The following ARHGAP26 variants were observed in gnomAD, a reference collection of about 807,000 sequenced individuals.
ARHGAP26 encodes rho GTPase-activating protein 26.
ARHGAP26 carries 38 observed loss-of-function variants against 104.8 expected under a neutral mutation model. The observed-to-expected ratio is 0.36, with a 90% confidence interval of 0.28 to 0.48. The LOEUF is 0.48. Among genes scored for constraint, ARHGAP26 ranks in the 20% least tolerant of loss-of-function variants. The pLI is 0.99. For missense variants in ARHGAP26, 704 were observed against 947.9 expected, an observed-to-expected ratio of 0.74 and a Z score of 3.38; for synonymous variants, 341 against 340.0, an observed-to-expected ratio of 1.00 and a Z score of -0.03.
chr5:143,159,257 G>A (rs1349714668), intron 20 of ARHGAP26, among the ~76,000 whole-genome samples: 5 of 152,212 alleles, frequency 3.3e-5, no homozygotes, highest in African/African-American at 9.6e-5. Context: ...CAGGAAGCCC[G>A]AGGTTGCAAA....
chr5:143,005,219 A>G (rs1219025638), intron 11 of ARHGAP26, among the ~76,000 whole-genome samples: 1 of 152,222 alleles, frequency 6.6e-6, no homozygotes, highest in African/African-American at 2.4e-5. Context: ...GGCTCAAATG[A>G]TACCATCAGA....
chr5:143,225,001 C>T lies in ARHGAP26; in HGVS notation c.*2555C>T, dbSNP rs1227278826. The T allele has an allele frequency of 9.0e-6, 2 of 222,576 alleles. No individual in the cohort carries two copies. Among genetic ancestry groups the T allele is most frequent in the African/African-American group, 2.2e-5 (1 of 44,728 alleles). 13.8% of individuals were successfully genotyped at this position (222,576 alleles called of 1,614,324 possible). A position where few individuals can be genotyped will look rare whatever the true frequency, so the allele number is the denominator to read the frequency against. On this transcript the variant is annotated 3_prime_UTR_variant, in exon 23 of 23. Coordinates refer to ENST00000645722, the MANE Select transcript of ARHGAP26 (RefSeq NM_001135608.3). ...AAGAATGGACAGGACCAAGACAGAACTCAAGAAAGCCACTGGGGAAAACTC... is the reference window on the plus strand; with the variant it reads ...AAGAATGGACAGGACCAAGACAGAATTCAAGAAAGCCACTGGGGAAAACTC...
At chr5:143,103,309 G>A (rs1793523994) in intron 17 of ARHGAP26, 2 of 896,552 alleles carry the variant, frequency 2.2e-6, no homozygotes, top group Admixed American at 6.2e-5. Flanking sequence ...TGCTGGAGAG[G>A]ATGTGGAGAA....
Position 142,890,150 on chromosome 5 carries a change from AAATAT to A in ARHGAP26, c.487-4086_487-4082del, listed in dbSNP as rs1378126237. The stretch of plus-strand genomic sequence containing the variant: ...AAACTCCGTCTTAAAAAAAAAAAAA[AAATAT>A]ATATATATATATATATATATATATA... On this transcript the variant is annotated intron_variant, in intron 5 of 22. Coordinates refer to ENST00000645722, the MANE Select transcript of ARHGAP26 (RefSeq NM_001135608.3). 3.0e-4 allele frequency among the ~76,000 whole-genome samples: 21 copies of A among 70,958 alleles called. No individual in the cohort carries two copies. The East Asian group carries it at 3.0e-3, about 10-fold the overall frequency. The allele number at this position is 70,958 out of a possible 152,430, so 46.6% of individuals were successfully genotyped here. A position where few individuals can be genotyped will look rare whatever the true frequency, so the allele number is the denominator to read the frequency against.
At chr5:142,859,423 T>C (rs59889381) in intron 1 of ARHGAP26, among the ~76,000 whole-genome samples, 26,690 of 152,128 alleles carry the variant, frequency 0.18, 3,582 homozygotes, top group East Asian at 0.58. Context: ...TTCTTTCTTT[T>C]CTGGTTTCTT....
At chr5:142,886,054 T>G (rs1338864514) in intron 5 of ARHGAP26, among the ~76,000 whole-genome samples, 1 of 152,172 alleles carries the variant, frequency 6.6e-6, no homozygotes, top group Non-Finnish European at 1.5e-5. Flanking sequence ...CTGTGACCAT[T>G]TTTATTTAGT....
At chr5:143,217,607 C>G (rs1810531958) in intron 22 of ARHGAP26, among the ~76,000 whole-genome samples, 1 of 152,210 alleles carries the variant, frequency 6.6e-6, no homozygotes, top group Non-Finnish European at 1.5e-5. Flanking sequence ...CACAGCAGGC[C>G]TGTCCCAAAT....
chr5:142,911,563 C>T (rs552453349), intron 9 of ARHGAP26, among the ~76,000 whole-genome samples: 25 of 152,350 alleles, frequency 1.6e-4, no homozygotes, highest in African/African-American at 4.3e-4. Context: ...GTGATATCCA[C>T]GTCCCCCACT....
intron 11 of ARHGAP26, among the ~76,000 whole-genome samples, chr5:143,001,544 T>A (rs561416431): frequency 6.6e-6 from 1 of 152,360 alleles, no homozygotes; most frequent in East Asian, 1.9e-4. Context: ...TACTGTCTCT[T>A]CTTTCATCTT....
At chr5:142,896,408 G>A (rs528991387) in intron 6 of ARHGAP26, among the ~76,000 whole-genome samples, 5 of 152,270 alleles carry the variant, frequency 3.3e-5, no homozygotes. Flanking sequence ...CGTACCTAGT[G>A]AGTCAGGTAT....
chr5:142,994,352 G>A (rs1356747458), intron 11 of ARHGAP26, among the ~76,000 whole-genome samples: 1 of 152,206 alleles, frequency 6.6e-6, no homozygotes, highest in Admixed American at 6.5e-5. Context: ...TGGTCATGAG[G>A]TTTGGGAAGG....
chr5:142,833,780 GA>G (rs1368919348), intron 1 of ARHGAP26, among the ~76,000 whole-genome samples: 1 of 152,238 alleles, frequency 6.6e-6, no homozygotes, highest in Admixed American at 6.5e-5. Context: ...AATCTACCAA[GA>G]GAGGCATACC....
chr5:143,158,118 A>G (rs1453124329), intron 20 of ARHGAP26, among the ~76,000 whole-genome samples: 1 of 152,164 alleles, frequency 6.6e-6, no homozygotes, highest in Non-Finnish European at 1.5e-5. Flanking sequence ...ATTTGCTCTC[A>G]GACTGCTCCC....
chr5:142,901,347 T>C (rs1191166885), intron 6 of ARHGAP26, among the ~76,000 whole-genome samples: 2 of 152,172 alleles, frequency 1.3e-5, no homozygotes, highest in African/African-American at 2.4e-5. Flanking sequence ...ATGGAAATAT[T>C]TTAATAAAGG....
intron 4 of ARHGAP26, among the ~76,000 whole-genome samples, chr5:142,884,742 A>C (rs116068783): frequency 6.6e-6 from 1 of 152,204 alleles, no homozygotes. Context: ...ATGTGTGTGA[A>C]GATAATATTG....
At chr5:142,966,180 A>G (rs1424507993) in intron 11 of ARHGAP26, among the ~76,000 whole-genome samples, 1 of 152,222 alleles carries the variant, frequency 6.6e-6, no homozygotes, top group African/African-American at 2.4e-5. Flanking sequence ...AGTCACACAT[A>G]GGAAAACTCT....
intron 4 of ARHGAP26, among the ~76,000 whole-genome samples, chr5:142,880,827 C>A (rs1414266676): frequency 6.6e-6 from 1 of 152,150 alleles, no homozygotes; most frequent in Non-Finnish European, 1.5e-5. Flanking sequence ...ATGATTAGGG[C>A]CTGCAAAAGA....
intron 1 of ARHGAP26, among the ~76,000 whole-genome samples, chr5:142,867,192 A>T (rs1251636939): frequency 6.6e-6 from 1 of 152,064 alleles, no homozygotes; most frequent in African/African-American, 2.4e-5. Context: ...TCTCTGATAT[A>T]GTTGATTGCC....
chr5:143,139,107 GC>G (rs1346262367), intron 19 of ARHGAP26, among the ~76,000 whole-genome samples: 55 of 152,292 alleles, frequency 3.6e-4, no homozygotes, highest in African/African-American at 1.3e-3. Flanking sequence ...CTGGGCATCT[GC>G]CGGTAAAATG....
Sources: allele counts gnomAD v4.1 joint callset (sites outside exome capture counted in the v4.1 genomes callset), GRCh38; gene constraint gnomAD v4.1.1; transcripts MANE v1.5; gene names NCBI Gene and HGNC (gene_info 2026-07-23, HGNC 2026-07-21).